OXCT1: variants seen among roughly 807,000 people sequenced by gnomAD.
OXCT1 encodes the protein 3-oxoacid CoA-transferase 1.
OXCT1 carries 27 observed loss-of-function variants against 69.6 expected under a neutral mutation model. The ratio of observed to expected loss-of-function variants is 0.39; its 90% CI spans 0.29 to 0.54. The LOEUF is 0.54. Ranked by LOEUF, OXCT1 falls within the 20% of genes least tolerant of loss-of-function variation. The pLI, the probability that OXCT1 is intolerant of heterozygous loss-of-function variation, is 0.72. For missense variants in OXCT1, 437 were observed against 650.2 expected (o/e 0.67, Z 3.57); for synonymous variants, 202 against 217.8 (o/e 0.93, Z 0.64).
Position 41,765,134 on chromosome 5 carries a change from A to C in OXCT1, c.1249-2934T>G, listed in dbSNP as rs537272892. Among the ~76,000 whole-genome samples, 83 of 152,288 alleles carry C rather than the reference A, an allele frequency of 5.5e-4. 1 individual carries two copies. In the South Asian group the frequency reaches 0.015, roughly 28 times the overall value. On this transcript the variant is annotated intron_variant, in intron 13 of 16. Coordinates refer to ENST00000196371, the MANE Select transcript of OXCT1 (RefSeq NM_000436.4). The stretch of plus-strand genomic sequence containing the variant: ...CCCTGACATAAGCGGGAAATGCATC[A>C]TCATCCTTCACTCCAGCTTAGCTAG...
chr5:41,835,855 G>A (rs1748330734), intron 7 of OXCT1, among the ~76,000 whole-genome samples: 1 of 152,130 alleles, frequency 6.6e-6, no homozygotes, highest in Admixed American at 6.5e-5. Flanking sequence ...GCACGTGCAT[G>A]CCAGGCTGCT....
At chr5:41,824,574 A>T (rs973201292) in intron 7 of OXCT1, among the ~76,000 whole-genome samples, 28 of 152,336 alleles carry the variant, frequency 1.8e-4, no homozygotes, top group African/African-American at 6.3e-4. Context: ...AAGAGGAAAA[A>T]TAAGTGAAAA....
chr5:41,817,105 T>C (rs1171031399), intron 7 of OXCT1, among the ~76,000 whole-genome samples: 1 of 152,068 alleles, frequency 6.6e-6, no homozygotes, highest in Non-Finnish European at 1.5e-5. Context: ...AAAACTTAAG[T>C]ATGATGATTA....
At position 41,835,772 on chromosome 5, in the gene OXCT1, C is replaced by T. The variant is rs77245370; in HGVS notation, c.732+4679G>A. Among the ~76,000 whole-genome samples, 219 of 152,296 alleles carry T rather than the reference C, an allele frequency of 1.4e-3. 1 individual carries two copies. Among genetic ancestry groups the T allele is most frequent in the African/African-American group, 5.0e-3 (208 of 41,570 alleles). Reference sequence around the variant, plus strand: ...AAGCCTGACAGCACAAAGAAATCCACAGCAGTGAGGTTATTTCAGTCACAG... The same window carrying T: ...AAGCCTGACAGCACAAAGAAATCCATAGCAGTGAGGTTATTTCAGTCACAG... On this transcript the variant is annotated intron_variant, in intron 7 of 16. Transcript: ENST00000196371.
At position 41,780,577 on chromosome 5, in the gene OXCT1, G is replaced by T. The variant is rs534786188; in HGVS notation, c.1248+13426C>A. ...AAATATTTTCAGATAAGAGAATTGT[G>T]TAGAGTGTCTAAGAATTTTTTTAAA... On this transcript the variant is annotated intron_variant, in intron 13 of 16. Transcript: ENST00000196371. 5.1e-4 allele frequency among the ~76,000 whole-genome samples: 78 copies of T among 152,298 alleles called. No homozygotes were observed. The Middle Eastern group carries it at 0.01, about 20-fold the overall frequency.
At chr5:41,799,465 A>T (rs1290066057) in intron 11 of OXCT1, among the ~76,000 whole-genome samples, 1 of 152,222 alleles carries the variant, frequency 6.6e-6, no homozygotes, top group Non-Finnish European at 1.5e-5. Flanking sequence ...AAGTTGAAAT[A>T]TAAAATTGGT....
intron 3 of OXCT1, among the ~76,000 whole-genome samples, chr5:41,857,798 A>T (rs1056827735): frequency 2.6e-5 from 4 of 152,180 alleles, no homozygotes; most frequent in Non-Finnish European, 5.9e-5. Context: ...AAACTCCTCA[A>T]CCACTCAGAA....
At chr5:41,749,633 A>G in intron 14 of OXCT1, 26 bp from the exon 15 acceptor site, 1 of 1,472,856 alleles carries the variant, frequency 6.8e-7, no homozygotes. Flanking sequence ...AACATCAAAA[A>G]GAGTAGTTAG....
intron 7 of OXCT1, among the ~76,000 whole-genome samples, chr5:41,824,387 A>C (rs998572165): frequency 1.3e-4 from 20 of 152,222 alleles, no homozygotes; most frequent in South Asian, 8.3e-4. Context: ...CATCTACCAC[A>C]CTCTGTGTAA....
intron 5 of OXCT1, among the ~76,000 whole-genome samples, chr5:41,848,686 G>T (rs1264926527): frequency 1.3e-5 from 2 of 151,672 alleles, no homozygotes; most frequent in Non-Finnish European, 2.9e-5. Flanking sequence ...AATGGGGAAA[G>T]GATTCCCTAT....
intron 13 of OXCT1, among the ~76,000 whole-genome samples, chr5:41,791,710 A>G (rs1048853268): frequency 1.3e-5 from 2 of 152,220 alleles, no homozygotes; most frequent in African/African-American, 4.8e-5. Flanking sequence ...CTAGAGAAAT[A>G]GATGTATTTA....
At chr5:41,813,170 T>C (rs895765224) in intron 7 of OXCT1, among the ~76,000 whole-genome samples, 1 of 152,044 alleles carries the variant, frequency 6.6e-6, no homozygotes, top group Non-Finnish European at 1.5e-5. Flanking sequence ...AAGAGTCTTA[T>C]AGACATAGCA....
chr5:41,736,221 T>G (rs1336893697), intron 16 of OXCT1, among the ~76,000 whole-genome samples: 1 of 152,212 alleles, frequency 6.6e-6, no homozygotes, highest in Non-Finnish European at 1.5e-5. Context: ...CTGACCAGAA[T>G]CTTATTTTGG....
intron 13 of OXCT1, among the ~76,000 whole-genome samples, chr5:41,777,352 G>T (rs1468702051): frequency 6.6e-6 from 1 of 152,124 alleles, no homozygotes; most frequent in East Asian, 1.9e-4. Flanking sequence ...AGAGGTGGAG[G>T]TTGCAGTGAG....
At chr5:41,769,099 T>C (rs983403968) in intron 13 of OXCT1, among the ~76,000 whole-genome samples, 2 of 152,188 alleles carry the variant, frequency 1.3e-5, no homozygotes, top group Admixed American at 6.6e-5. Context: ...TCCCACGCTA[T>C]CCACATGATT....
intron 13 of OXCT1, among the ~76,000 whole-genome samples, chr5:41,786,091 A>C (rs1745628881): frequency 6.6e-6 from 1 of 152,178 alleles, no homozygotes; most frequent in Non-Finnish European, 1.5e-5. Context: ...ATAGCCCAGG[A>C]AGAGGGACTC....
chr5:41,793,960 A>T (rs753818690), intron 13 of OXCT1, 43 bp downstream of exon 13: 1 of 1,144,166 alleles, frequency 8.7e-7, no homozygotes, highest in Non-Finnish European at 1.3e-6. Context: ...AAATATAATT[A>T]TTCTGATCCA....
intron 13 of OXCT1, among the ~76,000 whole-genome samples, chr5:41,772,299 A>G (rs185798746): frequency 2.6e-5 from 4 of 152,122 alleles, no homozygotes; most frequent in Admixed American, 2.6e-4. Flanking sequence ...AAGCTCTAAG[A>G]GCACAATTAG....
chr5:41,850,030 C>G lies in OXCT1; in HGVS notation c.564G>C (p.Glu188Asp), dbSNP rs1386892136. 6.2e-7 allele frequency: 1 copy of G among 1,613,756 alleles called. No homozygotes were observed. The highest frequency in any genetic ancestry group is 8.5e-7 in the Non-Finnish European group (1 of 1,179,792). ...GSVAIASKPREVREFNGQHFI... is the reference protein window; with the variant it reads ...GSVAIASKPRDVREFNGQHFI... Reference sequence around the variant, plus strand: ...TAATCTGGTTAAGAGTGTTTCTTACCTCTCTTGGCTTACTGGCAATGGCAA... The same window carrying G: ...TAATCTGGTTAAGAGTGTTTCTTACGTCTCTTGGCTTACTGGCAATGGCAA... The change falls in exon 5 of 17, where the codon GAG becomes GAC. Residue 188 changes from glutamate to aspartate, a missense_variant and splice_region_variant. By Grantham distance (45) the Glu-to-Asp change is conservative. Coordinates refer to ENST00000196371, the MANE Select transcript of OXCT1 (RefSeq NM_000436.4).
Sources: gnomAD v4.1 joint callset for allele counts (sites outside exome capture counted in the v4.1 genomes callset) on GRCh38, gnomAD v4.1.1 for gene constraint, MANE v1.5 for transcripts, NCBI Gene and HGNC (gene_info 2026-07-23, HGNC 2026-07-21) for gene names.